The following PTX4 variants were observed in gnomAD, a reference collection of about 807,000 sequenced individuals.
PTX4 encodes the protein pentraxin-4.
Under a neutral mutation model 19.1 loss-of-function variants are expected in PTX4, and 23 were observed. The ratio of observed to expected loss-of-function variants is 1.20; its 90% CI spans 0.87 to 1.70. PTX4 has a LOEUF of 1.70. PTX4 is among the 40% of genes most tolerant of loss of function. The pLI is 0.00. For missense variants in PTX4, 678 were observed against 610.5 expected (o/e 1.11, Z -1.17); for synonymous variants, 317 against 279.6 (o/e 1.13, Z -1.33).
At chr16:1,488,409 G>C (rs1315324155) in intron 1 of PTX4, 1 of 1,613,728 alleles carries the variant, frequency 6.2e-7, no homozygotes, top group South Asian at 1.1e-5. Flanking sequence ...GAGTCCGGGA[G>C]GCCGTTCACA....
chr16:1,488,621 G>T, intron 1 of PTX4, 148 bp downstream of exon 1: 1 of 675,104 alleles, frequency 1.5e-6, no homozygotes. Context: ...AACTGCAGGT[G>T]AAATAATCTT....
chr16:1,487,980 G>A lies in PTX4; in HGVS notation c.142-10C>T. ...CCTGGAATCTCCGGAACTGTAAGGA[G>A]GACACGGTGATGATGGGGCGGGCCG... On this transcript the variant is annotated splice_polypyrimidine_tract_variant and intron_variant, in intron 1 of 2. Transcript: ENST00000447419. 9.6e-6 allele frequency: 15 copies of A among 1,560,906 alleles called. No individual in the cohort carries two copies. The highest frequency in any genetic ancestry group is 1.3e-5 in the Non-Finnish European group (15 of 1,148,642).
intron 2 of PTX4, 149 bp from the exon 3 acceptor site, chr16:1,486,728 C>T (rs2039249908): frequency 3.9e-6 from 3 of 774,056 alleles, no homozygotes; most frequent in African/African-American, 3.5e-5. Flanking sequence ...GATGGCTCCC[C>T]TGCAGCGTCT....
rs372753294 is a variant in PTX4, at chr16:1,486,011, C to T, written c.1365G>A (p.Thr455=). 1.6e-5 allele frequency: 26 copies of T among 1,613,862 alleles called. No homozygotes were observed. In the African/African-American group the frequency reaches 1.7e-4, roughly 11 times the overall value. ...CGCCTGCTAGTGCAGCATTGGCCAG[C>T]GTCAGGATGGCACCTGTCGGGAACT... is the stretch of plus-strand genomic sequence containing the variant. ...GKEFPTGAIL[T]LANAALAGGF... is the part of the protein sequence containing the mutation. Residue 455 remains threonine (T), a synonymous_variant, in exon 3 of 3, where the codon ACG becomes ACA. Coordinates refer to ENST00000447419, the MANE Select transcript of PTX4 (RefSeq NM_001328608.2).
In PTX4 at chr16:1,487,526, G is replaced by C; in HGVS notation, c.586C>G (p.Pro196Ala). The change falls in exon 2 of 3, where the codon CCT becomes GCT. Residue 196 changes from proline (P) to alanine (A), a missense_variant. By Grantham distance (27) the Pro-to-Ala change is conservative. Coordinates refer to ENST00000447419, the MANE Select transcript of PTX4 (RefSeq NM_001328608.2). ...GPALVPTPTQ[P>A]EELGPTSLKL... ...AGGGAGGTCGGGCCCAGCTCCTCAGGCTGGGTTGGGGTTGGGACCAGGGCC... is the reference window on the plus strand; with the variant it reads ...AGGGAGGTCGGGCCCAGCTCCTCAGCCTGGGTTGGGGTTGGGACCAGGGCC... 6.6e-7 allele frequency: 1 copy of C among 1,514,318 alleles called. No individual in the cohort carries two copies. The highest frequency in any genetic ancestry group is 1.3e-5 in the South Asian group (1 of 75,368). 93.8% of individuals were successfully genotyped at this position (1,514,318 alleles called of 1,614,324 possible).
rs143253362 is a variant in PTX4 at position 1,488,517 on chromosome 16, C to A, written c.141+252G>T. ...CCAGTTCCCCTGACTCCCTTCCAGA[C>A]CCCCTTCTAGCCTCTGGCCCCACCT... On this transcript the variant is annotated intron_variant, in intron 1 of 2. Coordinates refer to ENST00000447419, the MANE Select transcript of PTX4 (RefSeq NM_001328608.2). 14,246 of 1,565,750 alleles carry A rather than the reference C, an allele frequency of 9.1e-3. 92 individuals carry two copies. Among genetic ancestry groups the A allele is most frequent in the Non-Finnish European group, 0.011 (12,687 of 1,142,262 alleles).
In PTX4 at chr16:1,486,431, G is replaced by T; in HGVS notation, c.945C>A (p.Ser315=). ...TASGRLGTLL[S]YATEDNDNKL... Reference sequence around the variant, plus strand: ...TGTTGTCATTGTCCTCGGTGGCGTAGGACAGGAGGGTGCCCAGGCGGCCGG... The same window carrying T: ...TGTTGTCATTGTCCTCGGTGGCGTATGACAGGAGGGTGCCCAGGCGGCCGG... The change falls in exon 3 of 3, where the codon TCC becomes TCA. Residue 315 remains serine, a synonymous_variant. Transcript: ENST00000447419. 1 of 1,614,004 alleles carries T rather than the reference G, an allele frequency of 6.2e-7. No individual in the cohort carries two copies. Among genetic ancestry groups the T allele is most frequent in the South Asian group, 1.1e-5 (1 of 91,076 alleles).
In PTX4 at chr16:1,488,831, C is replaced by T. The variant is rs1192886302; in HGVS notation, c.79G>A (p.Glu27Lys). 7 of 702,476 alleles carry T rather than the reference C, an allele frequency of 1.0e-5. No homozygotes were observed. Among genetic ancestry groups the T allele is most frequent in the African/African-American group, 1.7e-5 (1 of 57,260 alleles). 43.5% of individuals were successfully genotyped at this position (702,476 alleles called of 1,614,324 possible). ...TTCCTGGGCCCCACTGGGGCGGCTT[C>T]CTGCGATGAAGCCCCATGTAGATAT... is the stretch of plus-strand genomic sequence containing the variant. ...PIYLHGASSQ[E>K]AAPVGPRKPF... The change falls in exon 1 of 3, where the codon GAA (glutamate) becomes AAA (lysine). Residue 27 changes from glutamate to lysine, a missense_variant. Physicochemically the swap from Glu to Lys is moderately conservative, Grantham distance 56. Transcript: ENST00000447419.
rs1271021106 is a variant in PTX4, at chr16:1,487,769, C to G, written c.343G>C (p.Gly115Arg). The change falls in exon 2 of 3, where the codon GGC becomes CGC. Residue 115 changes from glycine to arginine, a missense_variant. Transcript: ENST00000447419. ...KAWVRKLQRR[G>R]RKVDTRLRAL... Reference sequence around the variant, plus strand: ...CGCAGCCGCGTGTCTACTTTCCGGCCTCGGCGCTGCAGCTTCCTCACCCAG... The same window carrying G: ...CGCAGCCGCGTGTCTACTTTCCGGCGTCGGCGCTGCAGCTTCCTCACCCAG... 11 of 1,612,872 alleles carry G rather than the reference C, an allele frequency of 6.8e-6. No individual in the cohort carries two copies. The East Asian group carries it at 2.5e-4, about 36-fold the overall frequency.
At chr16:1,486,618 G>A in intron 2 of PTX4, 39 bp from the exon 3 acceptor site, 3 of 1,515,628 alleles carry the variant, frequency 2.0e-6, no homozygotes, top group South Asian at 1.3e-5. Flanking sequence ...CTTGCAGGAG[G>A]CCGAGCAGAA....
intron 1 of PTX4, chr16:1,488,223 C>T: frequency 7.0e-7 from 1 of 1,436,402 alleles, no homozygotes; most frequent in Non-Finnish European, 9.5e-7. Context: ...CTCTGATCCC[C>T]ACCGCTCACC....
chr16:1,486,196 C>T lies in PTX4; in HGVS notation c.1180G>A (p.Glu394Lys), dbSNP rs755605970. The T allele has an allele frequency of 1.5e-5, 25 of 1,613,578 alleles. 1 individual carries two copies. The highest frequency in any genetic ancestry group is 1.7e-4 in the Middle Eastern group (1 of 6,058). Residue 394 changes from glutamate (E) to lysine (K), a missense_variant, in exon 3 of 3, where the codon GAG (glutamate) becomes AAG (lysine). Transcript: ENST00000447419. ...ACGAGGGACCCTCCGGGGGGGATCT[C>T]ATAGCCCTCCCTGAAGCGGGAGCCG... ...ATGSRFREGY[E>K]IPPGGSLVLG...
At position 1,487,546 on chromosome 16, in the gene PTX4, A is replaced by C. The variant is rs774302955; in HGVS notation, c.566T>G (p.Leu189Arg). The change falls in exon 2 of 3, where the codon CTG (leucine) becomes CGG (arginine). Residue 189 changes from leucine (L) to arginine (R), a missense_variant. Transcript: ENST00000447419. ...CTCAGGCTGGGTTGGGGTTGGGACC[A>C]GGGCCGGCCCGAGGGCTGCAGTGCC... Reference protein sequence around the residue: ...HPGTAALGPALVPTPTQPEEL... With the variant: ...HPGTAALGPARVPTPTQPEEL... 14 of 1,523,352 alleles carry C rather than the reference A, an allele frequency of 9.2e-6. No individual in the cohort carries two copies. The highest frequency in any genetic ancestry group is 1.2e-5 in the Non-Finnish European group (14 of 1,136,432). The allele number at this position is 1,523,352 out of a possible 1,614,324, so 94.4% of individuals were successfully genotyped here.
At chr16:1,488,424 C>G (rs149153276) in intron 1 of PTX4, 2 of 1,613,952 alleles carry the variant, frequency 1.2e-6, no homozygotes, top group East Asian at 4.5e-5. Flanking sequence ...TTCACACCGA[C>G]TGCCACAAGG....
chr16:1,488,019 G>T, intron 1 of PTX4, 49 bp from the exon 2 acceptor site: 1 of 1,508,860 alleles, frequency 6.6e-7, no homozygotes. Context: ...CGGGCCGGCT[G>T]GGCGGGACGG....
chr16:1,486,127 A>T lies in PTX4; in HGVS notation c.1249T>A (p.Ser417Thr). ...QDSVGGGFDS[S>T]EAFVGSMSGL... ...GACATGCTCCCCACGAAGGCCTCGG[A>T]GCTGTCGAATCCGCCCCCCACGCTG... Residue 417 changes from serine to threonine, a missense_variant, in exon 3 of 3, where the codon TCC becomes ACC. Coordinates refer to ENST00000447419, the MANE Select transcript of PTX4 (RefSeq NM_001328608.2). The T allele has an allele frequency of 6.2e-7, 1 of 1,614,156 alleles. No homozygotes were observed.
rs149153276 is a variant in PTX4 at position 1,488,424 on chromosome 16, C to A, written c.141+345G>T. 3.6e-4 allele frequency: 576 copies of A among 1,613,832 alleles called. 1 individual carries two copies. Among genetic ancestry groups the A allele is most frequent in the Non-Finnish European group, 4.6e-4 (546 of 1,180,002 alleles). On this transcript the variant is annotated intron_variant, in intron 1 of 2. Transcript: ENST00000447419. ...GAGTCCGGGAGGCCGTTCACACCGACTGCCACAAGGTGGACCTGTGACCTC... is the reference window on the plus strand; with the variant it reads ...GAGTCCGGGAGGCCGTTCACACCGAATGCCACAAGGTGGACCTGTGACCTC...
rs1337951361 is a variant in PTX4 at position 1,487,595 on chromosome 16, C to T, written c.517G>A (p.Gly173Arg). ...CCAGGGTGGGCCACGGGCAGCCGCCCCTCCAGAGCAGCCAGCCTGGCGCCC... is the reference window on the plus strand; with the variant it reads ...CCAGGGTGGGCCACGGGCAGCCGCCTCTCCAGAGCAGCCAGCCTGGCGCCC... ...SQGARLAALEGRLPVAHPGTA... is the reference protein window; with the variant it reads ...SQGARLAALERRLPVAHPGTA... Residue 173 changes from glycine (G) to arginine (R), a missense_variant, in exon 2 of 3, where the codon GGG (glycine) becomes AGG (arginine). Gly to Arg is a moderately radical substitution (Grantham distance 125). Coordinates refer to ENST00000447419, the MANE Select transcript of PTX4 (RefSeq NM_001328608.2). 1.3e-6 allele frequency: 2 copies of T among 1,561,048 alleles called. No homozygotes were observed. Among genetic ancestry groups the T allele is most frequent in the Admixed American group, 1.8e-5 (1 of 54,232 alleles).
At chr16:1,488,443 T>C in intron 1 of PTX4, 1 of 1,613,816 alleles carries the variant, frequency 6.2e-7, no homozygotes, top group Non-Finnish European at 8.5e-7. Flanking sequence ...GGTGGACCTG[T>C]GACCTCCCAG....
Sources: allele counts gnomAD v4.1 joint callset, GRCh38; gene constraint gnomAD v4.1.1; transcripts MANE v1.5; gene names NCBI Gene and HGNC (gene_info 2026-07-23, HGNC 2026-07-21).